Variants in TBC1D4 observed in about 807,000 individuals in gnomAD.
The protein encoded by TBC1D4 is TBC (Tre-2, BUB2, CDC16) domain-containing protein.
In TBC1D4, 121 loss-of-function variants were observed where a neutral mutation model predicts 142.5. The observed-to-expected ratio is 0.85, with a 90% confidence interval of 0.73 to 0.99. The LOEUF is 0.99. TBC1D4 is among the 50% of genes least tolerant of loss of function. The probability of loss-of-function intolerance (pLI) is 0.00; values close to 1 mark genes in which losing one functional copy is unlikely to be tolerated. For synonymous variants in TBC1D4, 630 were observed against 628.2 expected (o/e 1.00, Z -0.04); for missense variants, 1,475 against 1,606.6 (o/e 0.92, Z 1.40).
chr13:75,288,843 T>C, intron 20 of TBC1D4, 91 bp downstream of exon 20: 1 of 1,361,040 alleles, frequency 7.3e-7, no homozygotes, highest in Non-Finnish European at 1.0e-6. Context: ...CAATGGTTCA[T>C]TCCACGCACA....
chr13:75,356,107 G>A (rs770432460), intron 4 of TBC1D4, 40 bp downstream of exon 4: 6 of 1,459,956 alleles, frequency 4.1e-6, no homozygotes, highest in Non-Finnish European at 5.8e-6. Context: ...TTCGACAGAT[G>A]TGTCCGCAGG....
chr13:75,405,656 T>C (rs931667927), intron 1 of TBC1D4, among the ~76,000 whole-genome samples: 4 of 152,208 alleles, frequency 2.6e-5, no homozygotes, highest in Non-Finnish European at 5.9e-5. Context: ...ATTTTTCTTT[T>C]TGTTTTAACT....
intron 18 of TBC1D4, among the ~76,000 whole-genome samples, chr13:75,293,976 T>C (rs1875611053): frequency 6.6e-6 from 1 of 152,232 alleles, no homozygotes; most frequent in Non-Finnish European, 1.5e-5. Context: ...TGTGAGTGAA[T>C]ACTGACTGCT....
intron 1 of TBC1D4, among the ~76,000 whole-genome samples, chr13:75,445,031 G>A (rs948661001): frequency 2.0e-5 from 3 of 151,836 alleles, no homozygotes; most frequent in African/African-American, 4.8e-5. Flanking sequence ...AAAGTCACTC[G>A]CCCAAGGTCA....
At chr13:75,355,854 A>G (rs1593781710) in intron 4 of TBC1D4, among the ~76,000 whole-genome samples, 1 of 152,368 alleles carries the variant, frequency 6.6e-6, no homozygotes, top group South Asian at 2.1e-4. Context: ...ATGAGCAATG[A>G]AAAAAGTAAC....
At chr13:75,428,315 A>G (rs2138149270) in intron 1 of TBC1D4, among the ~76,000 whole-genome samples, 1 of 152,308 alleles carries the variant, frequency 6.6e-6, no homozygotes, top group Admixed American at 6.5e-5. Flanking sequence ...GTGAACTACC[A>G]AATAAGATTT....
chr13:75,446,701 G>A (rs182252227), intron 1 of TBC1D4, among the ~76,000 whole-genome samples: 10 of 152,264 alleles, frequency 6.6e-5, no homozygotes, highest in Admixed American at 5.9e-4. Context: ...TTGAACAACC[G>A]CAGTTTCACA....
intron 8 of TBC1D4, among the ~76,000 whole-genome samples, chr13:75,330,072 T>C (rs1879623478): frequency 6.6e-6 from 1 of 152,228 alleles, no homozygotes; most frequent in Non-Finnish European, 1.5e-5. Context: ...TCTTTAAAAA[T>C]TTCCTTGCAG....
intron 11 of TBC1D4, among the ~76,000 whole-genome samples, chr13:75,323,940 T>C (rs977294929): frequency 1.3e-5 from 2 of 152,078 alleles, no homozygotes; most frequent in African/African-American, 4.8e-5. Flanking sequence ...TAGCATCAGT[T>C]GTGCTAACAA....
intron 9 of TBC1D4, 65 bp downstream of exon 9, chr13:75,327,687 A>AT: frequency 4.2e-6 from 6 of 1,427,474 alleles, no homozygotes; most frequent in Non-Finnish European, 4.9e-6. Flanking sequence ...TGGAGCATGC[A>AT]TATTACCATA....
intron 1 of TBC1D4, among the ~76,000 whole-genome samples, chr13:75,382,010 A>G (rs117777458): frequency 0.02 from 3,102 of 152,314 alleles, 56 homozygotes; most frequent in South Asian, 0.057. Flanking sequence ...AAACCCATTG[A>G]GGGAGGCTGA....
chr13:75,361,537 C>T (rs1465916683), intron 2 of TBC1D4, among the ~76,000 whole-genome samples: 1 of 152,142 alleles, frequency 6.6e-6, no homozygotes, highest in African/African-American at 2.4e-5. Context: ...GCCCCCACCA[C>T]ATCCGGCTAA....
At chr13:75,474,419 C>T (rs956343333) in intron 1 of TBC1D4, among the ~76,000 whole-genome samples, 3 of 152,050 alleles carry the variant, frequency 2.0e-5, no homozygotes, top group Non-Finnish European at 2.9e-5. Context: ...ATTAGCCAGG[C>T]GTGGTGGCGG....
intron 1 of TBC1D4, among the ~76,000 whole-genome samples, chr13:75,410,201 T>C (rs553013296): frequency 1.3e-5 from 2 of 152,336 alleles, no homozygotes; most frequent in South Asian, 2.1e-4. Flanking sequence ...CATCACGTCC[T>C]CTTTAAAAGC....
intron 18 of TBC1D4, among the ~76,000 whole-genome samples, chr13:75,294,500 G>C (rs1875673177): frequency 6.6e-6 from 1 of 152,168 alleles, no homozygotes; most frequent in Non-Finnish European, 1.5e-5. Context: ...GAAGACAATG[G>C]GGGTAGAAAC....
At chr13:75,409,873 T>C (rs1593855126) in intron 1 of TBC1D4, among the ~76,000 whole-genome samples, 1 of 152,344 alleles carries the variant, frequency 6.6e-6, no homozygotes. Context: ...TGTTAATTTA[T>C]ACTTGCCCTG....
chr13:75,340,717 CG>C (rs1166629975), intron 7 of TBC1D4, among the ~76,000 whole-genome samples: 3 of 151,952 alleles, frequency 2.0e-5, no homozygotes, highest in African/African-American at 7.3e-5. Flanking sequence ...GAGGCCGAGG[CG>C]GGGGGATCAC....
chr13:75,434,329 T>TA (rs1886703390), intron 1 of TBC1D4, among the ~76,000 whole-genome samples: 2 of 151,676 alleles, frequency 1.3e-5, no homozygotes, highest in South Asian at 4.1e-4. Flanking sequence ...TATGCAGCCA[T>TA]AAAAAAGAAC....
chr13:75,370,301 G>C (rs1412251302), intron 1 of TBC1D4, among the ~76,000 whole-genome samples: 3 of 152,124 alleles, frequency 2.0e-5, no homozygotes, highest in Non-Finnish European at 4.4e-5. Context: ...AAGGATTTTG[G>C]CTTCTACTCT....
Sources: allele counts gnomAD v4.1 joint callset (sites outside exome capture counted in the v4.1 genomes callset), GRCh38; gene constraint gnomAD v4.1.1; transcripts MANE v1.5; gene names NCBI Gene and HGNC (gene_info 2026-07-23, HGNC 2026-07-21).